The following GTF2E2 variants were observed in gnomAD, a reference collection of about 807,000 sequenced individuals.
GTF2E2 encodes the protein general transcription factor IIE subunit 2.
A neutral mutation model predicts 40.5 loss-of-function variants in GTF2E2; 21 were observed. The observed-to-expected ratio is 0.52, with a 90% confidence interval of 0.37 to 0.75. GTF2E2 has a LOEUF of 0.75. Ranked by LOEUF, GTF2E2 falls within the 30% of genes least tolerant of loss-of-function variation. The probability of loss-of-function intolerance (pLI) is 0.00; values close to 1 mark genes in which losing one functional copy is unlikely to be tolerated. For synonymous variants in GTF2E2, 117 were observed against 121.6 expected, an observed-to-expected ratio of 0.96 and a Z score of 0.25; for missense variants, 298 against 338.4, an observed-to-expected ratio of 0.88 and a Z score of 0.94.
intron 6 of GTF2E2, among the ~76,000 whole-genome samples, chr8:30,587,893 A>T (rs1026099400): frequency 6.6e-6 from 1 of 150,766 alleles, no homozygotes; most frequent in South Asian, 2.1e-4. Flanking sequence ...AAAAAAAAAA[A>T]CCACACAAAT....
chr8:30,616,807 TAA>T (rs11292387), intron 3 of GTF2E2, among the ~76,000 whole-genome samples: 31,337 of 151,424 alleles, frequency 0.21, 4,214 homozygotes, highest in South Asian at 0.33. Flanking sequence ...AAAACTGCTC[TAA>T]AAAAAAAAGT....
intron 6 of GTF2E2, among the ~76,000 whole-genome samples, chr8:30,604,028 G>A (rs2151121728): frequency 6.6e-6 from 1 of 152,218 alleles, no homozygotes; most frequent in South Asian, 2.1e-4. Context: ...CATTAAGAAT[G>A]TTGCCAAGAA....
At chr8:30,607,987 T>C (rs1285556156) in intron 5 of GTF2E2, among the ~76,000 whole-genome samples, 1 of 152,232 alleles carries the variant, frequency 6.6e-6, no homozygotes, top group Non-Finnish European at 1.5e-5. Context: ...TTACTCCTTT[T>C]CAAGAGATAT....
chr8:30,637,325 C>T (rs919697555), intron 2 of GTF2E2: 7 of 455,050 alleles, frequency 1.5e-5, no homozygotes, highest in South Asian at 6.2e-5. Flanking sequence ...ACACAAATGG[C>T]CAATTATGAA....
intron 3 of GTF2E2, among the ~76,000 whole-genome samples, chr8:30,633,010 T>C (rs947667002): frequency 7.9e-5 from 12 of 152,180 alleles, no homozygotes; most frequent in Non-Finnish European, 4.4e-5. Flanking sequence ...ACAGCTGCAT[T>C]CATTTAAGAA....
chr8:30,624,434 G>C (rs1244781294), intron 3 of GTF2E2, among the ~76,000 whole-genome samples: 2 of 152,116 alleles, frequency 1.3e-5, no homozygotes, highest in African/African-American at 4.8e-5. Flanking sequence ...ATAGTTTGAA[G>C]TCAGGTAGCA....
chr8:30,584,582 T>C (rs1359886648), intron 6 of GTF2E2: 2 of 152,184 alleles, frequency 1.3e-5, no homozygotes, highest in African/African-American at 2.4e-5. Flanking sequence ...AAAGCTCAGA[T>C]TTGATCCTTT....
intron 1 of GTF2E2, chr8:30,657,728 G>A (rs1211374654): frequency 6.6e-6 from 1 of 152,274 alleles, no homozygotes; most frequent in East Asian, 1.9e-4. Context: ...AAGAGGCACA[G>A]TCAGGCGGCA....
intron 6 of GTF2E2, among the ~76,000 whole-genome samples, chr8:30,587,460 AAAAT>A (rs1436716138): frequency 1.7e-5 from 1 of 59,528 alleles, no homozygotes; most frequent in African/African-American, 6.4e-5. Context: ...TATGGAACTC[AAAAT>A]AATAGCAAAA....
chr8:30,630,141 C>A (rs528838458), intron 3 of GTF2E2, among the ~76,000 whole-genome samples: 1 of 152,304 alleles, frequency 6.6e-6, no homozygotes, highest in South Asian at 2.1e-4. Context: ...TTCATCTTAA[C>A]CAGGTCACTG....
chr8:30,631,819 G>A (rs1801444353), intron 3 of GTF2E2, among the ~76,000 whole-genome samples: 2 of 152,196 alleles, frequency 1.3e-5, no homozygotes, highest in South Asian at 4.1e-4. Flanking sequence ...TAACAGGCCA[G>A]GTCTAGTGGC....
chr8:30,638,226 G>A (rs1801679634), intron 2 of GTF2E2, among the ~76,000 whole-genome samples: 2 of 152,200 alleles, frequency 1.3e-5, no homozygotes, highest in Admixed American at 1.3e-4. Flanking sequence ...CACACTTCCT[G>A]AAGGAAATAT....
intron 2 of GTF2E2, among the ~76,000 whole-genome samples, chr8:30,642,271 T>C (rs566585879): frequency 1.4e-5 from 2 of 147,356 alleles, no homozygotes; most frequent in Non-Finnish European, 1.5e-5. Flanking sequence ...AGGGATTTTA[T>C]CTTTTTGAAT....
At chr8:30,619,964 C>T (rs1007429270) in intron 3 of GTF2E2, among the ~76,000 whole-genome samples, 30 of 151,436 alleles carry the variant, frequency 2.0e-4, no homozygotes, top group Admixed American at 1.8e-3. Flanking sequence ...CAGGAGAGTC[C>T]GAGTGAATAG....
intron 3 of GTF2E2, among the ~76,000 whole-genome samples, chr8:30,628,538 G>A (rs974156819): frequency 1.3e-5 from 2 of 152,094 alleles, no homozygotes; most frequent in Admixed American, 1.3e-4. Flanking sequence ...TTATTTCAAG[G>A]GTTCCTCCAG....
At chr8:30,583,145 C>A (rs750489442) in intron 6 of GTF2E2, among the ~76,000 whole-genome samples, 3 of 152,040 alleles carry the variant, frequency 2.0e-5, no homozygotes, top group Non-Finnish European at 2.9e-5. Context: ...ACCAGCCTGG[C>A]CAACATGGTG....
At chr8:30,622,957 G>A (rs903919033) in intron 3 of GTF2E2, among the ~76,000 whole-genome samples, 6 of 151,912 alleles carry the variant, frequency 3.9e-5, no homozygotes, top group African/African-American at 1.5e-4. Flanking sequence ...TGCAGTTAAC[G>A]CAATTATCAC....
chr8:30,640,725 G>A (rs78748772), intron 2 of GTF2E2, among the ~76,000 whole-genome samples: 10 of 152,246 alleles, frequency 6.6e-5, no homozygotes, highest in African/African-American at 2.4e-4. Context: ...TTGGCGGGGG[G>A]ACGGAGTCTC....
intron 6 of GTF2E2, among the ~76,000 whole-genome samples, chr8:30,604,461 A>T (rs959218732): frequency 2.0e-5 from 3 of 152,246 alleles, no homozygotes; most frequent in African/African-American, 7.2e-5. Context: ...GCCAATGTGT[A>T]AGATATGTAA....
Sources: allele counts gnomAD v4.1 joint callset (sites outside exome capture counted in the v4.1 genomes callset), GRCh38; gene constraint gnomAD v4.1.1; transcripts MANE v1.5; gene names NCBI Gene and HGNC (gene_info 2026-07-23, HGNC 2026-07-21).